Variants in CYCS observed in about 807,000 individuals in gnomAD.
CYCS encodes the protein cytochrome c, somatic, also known as cytochrome c.
For missense variants in CYCS, 87 were observed against 125.3 expected, an observed-to-expected ratio of 0.69 and a Z score of 1.46; for synonymous variants, 41 against 43.0, an observed-to-expected ratio of 0.95 and a Z score of 0.18.
Position 25,123,866 on chromosome 7 carries a change from G to T in CYCS, c.170-17C>A. The T allele has an allele frequency of 6.2e-7, 1 of 1,614,110 alleles. No individual in the cohort carries two copies. The highest frequency in any genetic ancestry group is 8.5e-7 in the Non-Finnish European group (1 of 1,179,998). On this transcript the variant is annotated splice_polypyrimidine_tract_variant and intron_variant, in intron 2 of 2. Coordinates refer to ENST00000305786, the MANE Select transcript of CYCS (RefSeq NM_018947.6). ...AGATGATGCCTAAACAAGAAAGAAT[G>T]CATCGGTTATTTCACACTCCTGATA... is the stretch of plus-strand genomic sequence containing the variant.
intron 1 of CYCS, among the ~76,000 whole-genome samples, chr7:25,124,334 A>G (rs1314046510): frequency 6.6e-6 from 1 of 152,136 alleles, no homozygotes; most frequent in Admixed American, 6.5e-5. Context: ...TCAAAAACGT[A>G]TTTTTGTGTG....
Position 25,123,784 on chromosome 7 carries a change from T to C in CYCS, c.235A>G (p.Thr79Ala). Residue 79 changes from threonine to alanine, a missense_variant, in exon 3 of 3, where the codon ACA becomes GCA. Coordinates refer to ENST00000305786, the MANE Select transcript of CYCS (RefSeq NM_018947.6). ...TTAATGCCGACAAAGATCATTTTTGTTCCAGGGATGTACTTCTTGGGATTC... is the reference window on the plus strand; with the variant it reads ...TTAATGCCGACAAAGATCATTTTTGCTCCAGGGATGTACTTCTTGGGATTC... ...LENPKKYIPG[T>A]KMIFVGIKKK... The C allele has an allele frequency of 3.1e-6, 5 of 1,613,032 alleles. No homozygotes were observed. The highest frequency in any genetic ancestry group is 4.2e-6 in the Non-Finnish European group (5 of 1,179,998).
rs533074996 is a variant in CYCS at position 25,125,259 on chromosome 7, C to CT, written c.-69dup. The CT allele has an allele frequency of 3.2e-3, 484 of 152,888 alleles. 2 individuals are homozygous for CT. The highest frequency in any genetic ancestry group is 0.014 in the Middle Eastern group (4 of 296). The allele number at this position is 152,888 out of a possible 1,614,324, so 9.5% of individuals were successfully genotyped here. On this transcript the variant is annotated 5_prime_UTR_variant, in exon 1 of 3. Transcript: ENST00000305786. ...CTCCGAAGCCGGACGTCCCCACTCT[C>CT]TAAGTCCAAGGACACGCCGGTCCGC...
At position 25,120,378 on chromosome 7, in the gene CYCS, GC is replaced by G. The variant is rs1314816966; in HGVS notation, c.*3322del. 6.6e-6 allele frequency: 1 copy of G among 152,248 alleles called. No homozygotes were observed. The highest frequency in any genetic ancestry group is 1.5e-5 in the Non-Finnish European group (1 of 68,078). 9.4% of individuals were successfully genotyped at this position (152,248 alleles called of 1,614,324 possible). On this transcript the variant is annotated 3_prime_UTR_variant, in exon 3 of 3. Coordinates refer to ENST00000305786, the MANE Select transcript of CYCS (RefSeq NM_018947.6). ...TGGGATTACAGGCATGAGCGACCAT[GC>G]CCGGCTAATTCTAGATTTAATAGAG...
In CYCS at chr7:25,120,806, C is replaced by T. The variant is rs1297982252; in HGVS notation, c.*2895G>A. The T allele has an allele frequency of 6.6e-6, 1 of 152,172 alleles. No individual in the cohort carries two copies. Among genetic ancestry groups the T allele is most frequent in the African/African-American group, 2.4e-5 (1 of 41,436 alleles). The allele number at this position is 152,172 out of a possible 1,614,324, so 9.4% of individuals were successfully genotyped here. On this transcript the variant is annotated 3_prime_UTR_variant, in exon 3 of 3. Coordinates refer to ENST00000305786, the MANE Select transcript of CYCS (RefSeq NM_018947.6). ...TTCCTTATTTCTGAAGGTATATATC[C>T]CTGATAGAAATGTCCTTTTTAAAAA...
chr7:25,123,862 G>C lies in CYCS; in HGVS notation c.170-13C>G. ...CCCCAGATGATGCCTAAACAAGAAA[G>C]AATGCATCGGTTATTTCACACTCCT... On this transcript the variant is annotated splice_polypyrimidine_tract_variant and intron_variant, in intron 2 of 2. Transcript: ENST00000305786. The C allele has an allele frequency of 3.7e-6, 6 of 1,614,144 alleles. No individual in the cohort carries two copies. Among genetic ancestry groups the C allele is most frequent in the Non-Finnish European group, 5.1e-6 (6 of 1,180,012 alleles).
At position 25,122,155 on chromosome 7, in the gene CYCS, T is replaced by C. The variant is rs1273552408; in HGVS notation, c.*1546A>G. On this transcript the variant is annotated 3_prime_UTR_variant, in exon 3 of 3. Coordinates refer to ENST00000305786, the MANE Select transcript of CYCS (RefSeq NM_018947.6). ...TTTATACAGTCACCAAGTCCTCTGC[T>C]ACAAGGCCTTTCAAAGTCTGAAATC... is the stretch of plus-strand genomic sequence containing the variant. The C allele has an allele frequency of 6.6e-6, 1 of 152,180 alleles. No individual in the cohort carries two copies. Among genetic ancestry groups the C allele is most frequent in the African/African-American group, 2.4e-5 (1 of 41,442 alleles). 9.4% of individuals were successfully genotyped at this position (152,180 alleles called of 1,614,324 possible).
rs948173405 is a variant in CYCS at position 25,119,118 on chromosome 7, G to C, written c.*4583C>G. The stretch of plus-strand genomic sequence containing the variant: ...GTGCCTAGAAGAGACTTATGTGGGA[G>C]ACAAAGTTTCTGGTCAGGTGTATTT... On this transcript the variant is annotated 3_prime_UTR_variant, in exon 3 of 3. Coordinates refer to ENST00000305786, the MANE Select transcript of CYCS (RefSeq NM_018947.6). Among the ~76,000 whole-genome samples, 1 of 152,192 alleles carries C rather than the reference G, an allele frequency of 6.6e-6. No individual in the cohort carries two copies. The highest frequency in any genetic ancestry group is 2.1e-4 in the South Asian group (1 of 4,836).
chr7:25,119,572 A>G lies in CYCS; in HGVS notation c.*4129T>C, dbSNP rs1164130324. Reference sequence around the variant, plus strand: ...ATTGCAGGCATGACCTACTGCACCCAGACCACTTTTTTTTTTTTTAAAAGA... The same window carrying G: ...ATTGCAGGCATGACCTACTGCACCCGGACCACTTTTTTTTTTTTTAAAAGA... On this transcript the variant is annotated 3_prime_UTR_variant, in exon 3 of 3. Transcript: ENST00000305786. Among the ~76,000 whole-genome samples, 1 of 147,524 alleles carries G rather than the reference A, an allele frequency of 6.8e-6. No homozygotes were observed. Among genetic ancestry groups the G allele is most frequent in the Non-Finnish European group, 1.5e-5 (1 of 67,138 alleles).
rs930699114 is a variant in CYCS, at chr7:25,121,687, G to C, written c.*2014C>G. 2 of 152,220 alleles carry C rather than the reference G, an allele frequency of 1.3e-5. No homozygotes were observed. Among genetic ancestry groups the C allele is most frequent in the Non-Finnish European group, 2.9e-5 (2 of 68,074 alleles). 9.4% of individuals were successfully genotyped at this position (152,220 alleles called of 1,614,324 possible). A position where few individuals can be genotyped will look rare whatever the true frequency, so the allele number is the denominator to read the frequency against. ...CTCACGCCTGTAATCCCAGCACTTTGGGGAGCCAAGGCAAGTGGACGGATT... is the reference window on the plus strand; with the variant it reads ...CTCACGCCTGTAATCCCAGCACTTTCGGGAGCCAAGGCAAGTGGACGGATT... On this transcript the variant is annotated 3_prime_UTR_variant, in exon 3 of 3. Coordinates refer to ENST00000305786, the MANE Select transcript of CYCS (RefSeq NM_018947.6).
chr7:25,118,891 T>C lies in CYCS; in HGVS notation c.*4810A>G, dbSNP rs934904715. Among the ~76,000 whole-genome samples the C allele has an allele frequency of 2.0e-5, 3 of 152,270 alleles. No individual in the cohort carries two copies. The highest frequency in any genetic ancestry group is 3.9e-4 in the East Asian group (2 of 5,186). ...CTCTTTGAGAAATGAATGCAGTAAATTTACTTAGCTTTCTGAGGGAAATGA... is the reference window on the plus strand; with the variant it reads ...CTCTTTGAGAAATGAATGCAGTAAACTTACTTAGCTTTCTGAGGGAAATGA... On this transcript the variant is annotated 3_prime_UTR_variant, in exon 3 of 3. Transcript: ENST00000305786.
rs976659381 is a variant in CYCS at position 25,119,026 on chromosome 7, C to T, written c.*4675G>A. ...TACTGAACTCTAAGGATATGAACAC[C>T]AGGACAATGGTTATTCTGAGGCACA... On this transcript the variant is annotated 3_prime_UTR_variant, in exon 3 of 3. Coordinates refer to ENST00000305786, the MANE Select transcript of CYCS (RefSeq NM_018947.6). Among the ~76,000 whole-genome samples, 6 of 152,078 alleles carry T rather than the reference C, an allele frequency of 3.9e-5. No individual in the cohort carries two copies. The highest frequency in any genetic ancestry group is 2.6e-4 in the Admixed American group (4 of 15,270).
rs542396973 is a variant in CYCS, at chr7:25,123,842, G to C, written c.177C>G (p.Ile59Met). ...ACTCCATCAGTGTATCCTCTCCCCA[G>C]ATGATGCCTAAACAAGAAAGAATGC... ...YTAANKNKGI[I>M]WGEDTLMEYL... Residue 59 changes from isoleucine to methionine, a missense_variant, in exon 3 of 3, where the codon ATC (isoleucine) becomes ATG (methionine). Coordinates refer to ENST00000305786, the MANE Select transcript of CYCS (RefSeq NM_018947.6). 1 of 1,614,122 alleles carries C rather than the reference G, an allele frequency of 6.2e-7. No individual in the cohort carries two copies. Among genetic ancestry groups the C allele is most frequent in the East Asian group, 2.2e-5 (1 of 44,890 alleles).
chr7:25,119,578 C>CT lies in CYCS; in HGVS notation c.*4122dup, dbSNP rs371993166. ...GGCATGACCTACTGCACCCAGACCACTTTTTTTTTTTTTAAAAGAGATGGA... is the reference window on the plus strand; with the variant it reads ...GGCATGACCTACTGCACCCAGACCACTTTTTTTTTTTTTTAAAAGAGATGGA... On this transcript the variant is annotated 3_prime_UTR_variant, in exon 3 of 3. Transcript: ENST00000305786. Among the ~76,000 whole-genome samples, 18,820 of 140,818 alleles carry CT rather than the reference C, an allele frequency of 0.13. 1,316 individuals are homozygous for CT. The highest frequency in any genetic ancestry group is 0.27 in the East Asian group (1,314 of 4,794). The allele number at this position is 140,818 out of a possible 152,430, so 92.4% of individuals were successfully genotyped here. A position where few individuals can be genotyped will look rare whatever the true frequency, so the allele number is the denominator to read the frequency against.
At position 25,121,831 on chromosome 7, in the gene CYCS, G is replaced by T. The variant is rs1213870995; in HGVS notation, c.*1870C>A. On this transcript the variant is annotated 3_prime_UTR_variant, in exon 3 of 3. Transcript: ENST00000305786. ...AGTCCCAGCTACTTGGGAAGCTGAA[G>T]TGAGAGAATCGCTTGAGCCTGGGAA... The T allele has an allele frequency of 6.6e-6, 1 of 152,176 alleles. No homozygotes were observed. Among genetic ancestry groups the T allele is most frequent in the East Asian group, 1.9e-4 (1 of 5,192 alleles). The allele number at this position is 152,176 out of a possible 1,614,324, so 9.4% of individuals were successfully genotyped here.
rs1783327651 is a variant in CYCS at position 25,119,591 on chromosome 7, TAAAAGAG to T, written c.*4103_*4109del. ...GCACCCAGACCACTTTTTTTTTTTT[TAAAAGAG>T]ATGGAGTTTCCTTTATCTGTTGCCC... is the stretch of plus-strand genomic sequence containing the variant. On this transcript the variant is annotated 3_prime_UTR_variant, in exon 3 of 3. Coordinates refer to ENST00000305786, the MANE Select transcript of CYCS (RefSeq NM_018947.6). Among the ~76,000 whole-genome samples the T allele has an allele frequency of 6.7e-6, 1 of 150,320 alleles. No homozygotes were observed. Among genetic ancestry groups the T allele is most frequent in the African/African-American group, 2.5e-5 (1 of 40,692 alleles).
Position 25,120,926 on chromosome 7 carries a change from A to G in CYCS, c.*2775T>C, listed in dbSNP as rs963296978. 2 of 151,410 alleles carry G rather than the reference A, an allele frequency of 1.3e-5. No homozygotes were observed. The highest frequency in any genetic ancestry group is 2.4e-5 in the African/African-American group (1 of 41,172). 9.4% of individuals were successfully genotyped at this position (151,410 alleles called of 1,614,324 possible). ...GATCACCTGACGTCGGGAGTTCAAG[A>G]CCAGCCTGTCCAGCATGGAGAAACC... is the stretch of plus-strand genomic sequence containing the variant. On this transcript the variant is annotated 3_prime_UTR_variant, in exon 3 of 3. Transcript: ENST00000305786.
At chr7:25,123,870 C>T in intron 2 of CYCS, 21 bp from the exon 3 acceptor site, 1 of 1,614,104 alleles carries the variant, frequency 6.2e-7, no homozygotes, top group Non-Finnish European at 8.5e-7. Flanking sequence ...AAGAATGCAT[C>T]GGTTATTTCA....
rs1248995358 is a variant in CYCS, at chr7:25,120,605, T to A, written c.*3096A>T. The stretch of plus-strand genomic sequence containing the variant: ...ACAGCAAAAGTCTACAAAATATCCA[T>A]CGTCACAGAAAGTTCTATTAGACAG... On this transcript the variant is annotated 3_prime_UTR_variant, in exon 3 of 3. Coordinates refer to ENST00000305786, the MANE Select transcript of CYCS (RefSeq NM_018947.6). 6.6e-6 allele frequency: 1 copy of A among 152,252 alleles called. No individual in the cohort carries two copies. Among genetic ancestry groups the A allele is most frequent in the Admixed American group, 6.5e-5 (1 of 15,284 alleles). The allele number at this position is 152,252 out of a possible 1,614,324, so 9.4% of individuals were successfully genotyped here.
Sources: gnomAD v4.1 joint callset for allele counts (sites outside exome capture counted in the v4.1 genomes callset) on GRCh38, gnomAD v4.1.1 for gene constraint, MANE v1.5 for transcripts, NCBI Gene and HGNC (gene_info 2026-07-23, HGNC 2026-07-21) for gene names.